The following C2CD3 variants were observed in gnomAD, a reference collection of about 807,000 sequenced individuals.
C2CD3 encodes C2 domain containing 3 centriole elongation regulator, also known as C2 domain-containing protein 3.
Under a neutral mutation model 234.0 loss-of-function variants are expected in C2CD3, and 148 were observed. The ratio of observed to expected loss-of-function variants is 0.63; its 90% CI spans 0.55 to 0.72. The LOEUF (loss-of-function observed/expected upper bound fraction) is 0.72. Among genes scored for constraint, C2CD3 ranks in the 30% least tolerant of loss-of-function variants. The pLI, the probability that C2CD3 is intolerant of heterozygous loss-of-function variation, is 0.00. For synonymous variants in C2CD3, 1,000 were observed against 1,035.4 expected (o/e 0.97, Z 0.66); for missense variants, 2,577 against 2,811.5 (o/e 0.92, Z 1.89).
intron 9 of C2CD3, among the ~76,000 whole-genome samples, chr11:74,117,058 A>G (rs1957003979): frequency 5.1e-4 from 23 of 44,746 alleles, no homozygotes; most frequent in Non-Finnish European, 9.1e-4. Flanking sequence ...GTATATATAT[A>G]TGAATATATA....
At chr11:74,153,807 A>C (rs965220282) in intron 3 of C2CD3, among the ~76,000 whole-genome samples, 1 of 152,174 alleles carries the variant, frequency 6.6e-6, no homozygotes, top group Non-Finnish European at 1.5e-5. Context: ...CTGCAGTAAT[A>C]CAGTGTTGCT....
chr11:74,146,710 C>CCG (rs1555060934), intron 3 of C2CD3, among the ~76,000 whole-genome samples: 1 of 84,958 alleles, frequency 1.2e-5, no homozygotes, highest in Non-Finnish European at 2.1e-5. Context: ...AAAAGTCAAA[C>CCG]CACACACACA....
Position 74,037,654 on chromosome 11 carries a change from T to C in C2CD3, c.5705A>G (p.Gln1902Arg). The C allele has an allele frequency of 6.2e-7, 1 of 1,614,140 alleles. No homozygotes were observed. Among genetic ancestry groups the C allele is most frequent in the Non-Finnish European group, 8.5e-7 (1 of 1,180,012 alleles). Residue 1902 changes from glutamine (Q) to arginine (R), a missense_variant, in exon 30 of 33, where the codon CAG becomes CGG. Coordinates refer to ENST00000334126, the MANE Select transcript of C2CD3 (RefSeq NM_001286577.2). The part of the protein sequence containing the change: ...ELDQIQRYFR[Q>R]KLTKPFLPLS... ...GGGTAGGAAAGGCTTGGTGAGCTTC[T>C]GGCGGAAGTACCTCTGAATCTGATC...
intron 7 of C2CD3, among the ~76,000 whole-genome samples, chr11:74,132,487 G>A (rs543499986): frequency 3.3e-5 from 5 of 152,326 alleles, no homozygotes; most frequent in African/African-American, 9.6e-5. Flanking sequence ...CAATGCCTCT[G>A]AAGTTCAGAG....
chr11:74,121,608 C>CAAAAA (rs369249513), intron 8 of C2CD3, among the ~76,000 whole-genome samples: 7 of 62,184 alleles, frequency 1.1e-4, no homozygotes, highest in Admixed American at 3.9e-4. Context: ...GACTCCGTCT[C>CAAAAA]AAAAAAAAAA....
rs1956396145 is a variant in C2CD3 at position 74,103,486 on chromosome 11, C to T, written c.2225G>A (p.Cys742Tyr). ...ALPELNQDMTCTKNPQNLNQI... is the reference protein window; with the variant it reads ...ALPELNQDMTYTKNPQNLNQI... Reference sequence around the variant, plus strand: ...GTTTAAGTTTTGTGGATTTTTGGTACAGGTCATATCTTGGTTAAGTTCTGG... The same window carrying T: ...GTTTAAGTTTTGTGGATTTTTGGTATAGGTCATATCTTGGTTAAGTTCTGG... The change falls in exon 14 of 33, where the codon TGT becomes TAT. Residue 742 changes from cysteine (C) to tyrosine (Y), a missense_variant. By Grantham distance (194) the Cys-to-Tyr change is radical (BLOSUM62 -2). Transcript: ENST00000334126. 5 of 1,614,018 alleles carry T rather than the reference C, an allele frequency of 3.1e-6. No homozygotes were observed. In the South Asian group the frequency reaches 3.3e-5, roughly 11 times the overall value.
intron 32 of C2CD3, chr11:74,016,543 A>AG (rs1257597072): frequency 1.3e-5 from 2 of 152,370 alleles, no homozygotes; most frequent in African/African-American, 4.8e-5. Flanking sequence ...GGACAAGGAC[A>AG]GGGCTTGGCT....
Position 74,026,263 on chromosome 11 carries a change from C to T in C2CD3, c.6921+2024G>A, listed in dbSNP as rs138702015. On this transcript the variant is annotated intron_variant, in intron 32 of 32. Transcript: ENST00000334126. ...TTGCGGGTGCAGGGAGCTGTGATCA[C>T]GCCACTGCACTCCAGTCTGGGCAAC... Among the ~76,000 whole-genome samples, 346 of 151,770 alleles carry T rather than the reference C, an allele frequency of 2.3e-3. 2 individuals carry two copies. The highest frequency in any genetic ancestry group is 0.02 in the Middle Eastern group (6 of 294).
Position 74,090,944 on chromosome 11 carries a change from A to G in C2CD3, c.3518-8T>C. ...GGCCCACATCCAGTAAACCTGAAGA[A>G]TGAGGACACAAGGAAAGAAGGTTGG... On this transcript the variant is annotated splice_region_variant and splice_polypyrimidine_tract_variant and intron_variant, in intron 19 of 32. Coordinates refer to ENST00000334126, the MANE Select transcript of C2CD3 (RefSeq NM_001286577.2). 6.2e-7 allele frequency: 1 copy of G among 1,613,586 alleles called. No homozygotes were observed. The highest frequency in any genetic ancestry group is 8.5e-7 in the Non-Finnish European group (1 of 1,179,804).
At chr11:74,030,704 G>A (rs1952486167) in intron 31 of C2CD3, among the ~76,000 whole-genome samples, 1 of 152,080 alleles carries the variant, frequency 6.6e-6, no homozygotes, top group African/African-American at 2.4e-5. Context: ...TCGACTCCCA[G>A]AGATGCCTAC....
intron 15 of C2CD3, among the ~76,000 whole-genome samples, 157 bp from the exon 16 acceptor site, chr11:74,098,412 A>G (rs1361988600): frequency 6.6e-6 from 1 of 152,220 alleles, no homozygotes; most frequent in Non-Finnish European, 1.5e-5. Flanking sequence ...TCAGTAACCT[A>G]CCAAATAAAA....
chr11:74,037,738 C>A, intron 29 of C2CD3, 40 bp from the exon 30 acceptor site: 1 of 1,477,810 alleles, frequency 6.8e-7, no homozygotes, highest in South Asian at 1.2e-5. Flanking sequence ...AGGGGTAATT[C>A]ATGGAGATTA....
At chr11:74,155,409 C>T (rs1409851039) in intron 3 of C2CD3, among the ~76,000 whole-genome samples, 2 of 151,968 alleles carry the variant, frequency 1.3e-5, no homozygotes, top group Non-Finnish European at 2.9e-5. Context: ...AGGCATATAC[C>T]CAAGAGAACG....
chr11:74,111,234 A>G (rs1321279434), intron 11 of C2CD3, among the ~76,000 whole-genome samples: 1 of 152,124 alleles, frequency 6.6e-6, no homozygotes, highest in African/African-American at 2.4e-5. Context: ...AAAAATTCCT[A>G]AGATATAATG....
chr11:74,148,564 C>G (rs1054113816), intron 3 of C2CD3, among the ~76,000 whole-genome samples: 6 of 151,918 alleles, frequency 3.9e-5, no homozygotes, highest in Non-Finnish European at 8.8e-5. Context: ...CAGTTGATTT[C>G]TTTTACAGCC....
At chr11:74,015,249 G>A (rs919466969) in intron 32 of C2CD3, among the ~76,000 whole-genome samples, 2 of 152,208 alleles carry the variant, frequency 1.3e-5, no homozygotes, top group African/African-American at 4.8e-5. Flanking sequence ...GTGTGGGTGG[G>A]ACCAGGCCAG....
In C2CD3 at chr11:74,150,526, A is replaced by C. The variant is rs1400594158; in HGVS notation, c.484-10698T>G. ...AAAAAAAAAAAAAAACAAAAAAAAA[A>C]CAAAACAAATTTCTAAGCTTTTTAA... On this transcript the variant is annotated intron_variant, in intron 3 of 32. Transcript: ENST00000334126. Among the ~76,000 whole-genome samples the C allele has an allele frequency of 1.0e-4, 6 of 57,690 alleles. 1 individual carries two copies. Among genetic ancestry groups the C allele is most frequent in the South Asian group, 5.0e-4 (1 of 2,012 alleles). 37.8% of individuals were successfully genotyped at this position (57,690 alleles called of 152,430 possible). A position where few individuals can be genotyped will look rare whatever the true frequency, so the allele number is the denominator to read the frequency against.
At chr11:74,039,910 A>G (rs1258398469) in intron 29 of C2CD3, among the ~76,000 whole-genome samples, 4 of 152,212 alleles carry the variant, frequency 2.6e-5, no homozygotes, top group South Asian at 2.1e-4. Flanking sequence ...CAAATTATCA[A>G]TGGTTTCACT....
At chr11:74,070,032 A>G (rs114253541) in intron 24 of C2CD3, among the ~76,000 whole-genome samples, 55 of 152,338 alleles carry the variant, frequency 3.6e-4, no homozygotes, top group African/African-American at 1.3e-3. Flanking sequence ...AATGCCTCTA[A>G]AAGTTGATAA....
Sources: allele counts gnomAD v4.1 joint callset (sites outside exome capture counted in the v4.1 genomes callset), GRCh38; gene constraint gnomAD v4.1.1; transcripts MANE v1.5; gene names NCBI Gene and HGNC (gene_info 2026-07-23, HGNC 2026-07-21).